PHF24: variants seen among roughly 807,000 people sequenced by gnomAD.
The protein encoded by PHF24 is Galpha inhibitory interacting protein.
PHF24 carries 25 observed loss-of-function variants against 42.6 expected under a neutral mutation model. The observed-to-expected ratio is 0.59, with a 90% CI of 0.43 to 0.82. The LOEUF (loss-of-function observed/expected upper bound fraction) is 0.82. PHF24 is among the 40% of genes least tolerant of loss of function. The pLI, the probability that PHF24 is intolerant of heterozygous loss-of-function variation, is 0.00. For missense variants in PHF24, 470 were observed against 538.1 expected, an observed-to-expected ratio of 0.87 and a Z score of 1.25; for synonymous variants, 185 against 204.8, an observed-to-expected ratio of 0.90 and a Z score of 0.83.
At chr9:34,782,550 C>T in the PHF24 span, among the ~76,000 whole-genome samples, 592 of 152,258 alleles carry the variant, frequency 3.9e-3, 2 homozygotes, top group African/African-American at 0.014. Flanking sequence ...AGTCCAGTGA[C>T]TCATCCTGTC....
chr9:34,672,845 C>G, the PHF24 span, among the ~76,000 whole-genome samples: 2 of 152,128 alleles, frequency 1.3e-5, no homozygotes, highest in African/African-American at 4.8e-5. Flanking sequence ...CTCACTCTGT[C>G]GCCCAGGCTG....
At chr9:34,710,725 C>G in the PHF24 span, among the ~76,000 whole-genome samples, 1 of 152,092 alleles carries the variant, frequency 6.6e-6, no homozygotes, top group South Asian at 2.1e-4. Flanking sequence ...CTGCCTGCCT[C>G]AGCCTCTTGA....
chr9:34,872,319 T>C, the PHF24 span, among the ~76,000 whole-genome samples: 1 of 149,610 alleles, frequency 6.7e-6, no homozygotes, highest in African/African-American at 2.4e-5. Flanking sequence ...ACTCTTCATC[T>C]AGCATTAGGT....
the PHF24 span, among the ~76,000 whole-genome samples, chr9:34,722,525 A>G: frequency 3.9e-5 from 6 of 152,222 alleles, no homozygotes; most frequent in Non-Finnish European, 8.8e-5. Context: ...TGTCGACCCC[A>G]TGGGATCATG....
the PHF24 span, among the ~76,000 whole-genome samples, chr9:34,697,478 C>T: frequency 4.6e-5 from 7 of 152,322 alleles, no homozygotes; most frequent in South Asian, 1.2e-3. Flanking sequence ...TACCATCATG[C>T]CCGGCTGACT....
the PHF24 span, among the ~76,000 whole-genome samples, chr9:34,829,464 A>G: frequency 2.6e-5 from 4 of 152,186 alleles, no homozygotes; most frequent in South Asian, 2.1e-4. Context: ...TTGGCATAGT[A>G]CTTGGCACAT....
At chr9:34,690,078 C>T in the PHF24 span, 12 of 1,594,586 alleles carry the variant, frequency 7.5e-6, no homozygotes, top group African/African-American at 1.2e-4. Context: ...GCCTGGGGAC[C>T]ATGTCTGGGA....
At chr9:34,946,678 G>C in the PHF24 span, among the ~76,000 whole-genome samples, 7 of 152,274 alleles carry the variant, frequency 4.6e-5, no homozygotes, top group South Asian at 1.5e-3. Context: ...GGTGTTTTAA[G>C]AAGTTGCATA....
At chr9:34,837,446 T>C in the PHF24 span, 2 of 520,554 alleles carry the variant, frequency 3.8e-6, no homozygotes, top group Non-Finnish European at 7.0e-6. Context: ...CTGCACTATT[T>C]CCTCAATTCT....
the PHF24 span, chr9:34,729,157 G>A: frequency 3.2e-3 from 3,661 of 1,156,854 alleles, 10 homozygotes; most frequent in Non-Finnish European, 4.1e-3. Flanking sequence ...GAGAAGAAAA[G>A]TATTACACAA....
At chr9:34,949,105 T>C in the PHF24 span, among the ~76,000 whole-genome samples, 1 of 152,144 alleles carries the variant, frequency 6.6e-6, no homozygotes, top group Non-Finnish European at 1.5e-5. Flanking sequence ...CTGTAATCAA[T>C]AGAACAAGTA....
the PHF24 span, chr9:34,709,798 C>A: frequency 6.2e-7 from 1 of 1,614,204 alleles, no homozygotes; most frequent in South Asian, 1.1e-5. Flanking sequence ...GATGGAGCAG[C>A]CTAAGCTTGG....
chr9:34,762,151 A>C, the PHF24 span, among the ~76,000 whole-genome samples: 401 of 152,260 alleles, frequency 2.6e-3, 8 homozygotes, highest in Non-Finnish European at 1.9e-3. Flanking sequence ...GTGCTGCAAT[A>C]AACATACGTG....
At chr9:34,837,794 A>T in the PHF24 span, 1 of 808,432 alleles carries the variant, frequency 1.2e-6, no homozygotes, top group Admixed American at 2.1e-5. Flanking sequence ...CTCCCTTTCT[A>T]TATATCTATC....
the PHF24 span, among the ~76,000 whole-genome samples, chr9:34,691,562 A>G: frequency 6.6e-6 from 1 of 152,222 alleles, no homozygotes; most frequent in Non-Finnish European, 1.5e-5. Context: ...ATCATCAACC[A>G]TGAAGCTGGG....
chr9:34,722,448 T>C, the PHF24 span, among the ~76,000 whole-genome samples: 1 of 152,170 alleles, frequency 6.6e-6, no homozygotes, highest in Non-Finnish European at 1.5e-5. Context: ...TTTATTTTTG[T>C]ATGGTTTGAG....
chr9:34,907,033 CCCAGGCTGGTCCCAAACT>C, the PHF24 span, among the ~76,000 whole-genome samples: 1 of 152,116 alleles, frequency 6.6e-6, no homozygotes, highest in South Asian at 2.1e-4. Context: ...TACTATATTG[CCCAGGCTGGTCCCAAACT>C]CCTGGCCTCA....
chr9:34,732,160 T>C, the PHF24 span, among the ~76,000 whole-genome samples: 1 of 152,024 alleles, frequency 6.6e-6, no homozygotes, highest in African/African-American at 2.4e-5. Flanking sequence ...ATTTTTAGTT[T>C]TTTTGGGGAA....
At chr9:34,872,164 G>A in the PHF24 span, among the ~76,000 whole-genome samples, 47 of 151,642 alleles carry the variant, frequency 3.1e-4, no homozygotes, top group African/African-American at 1.1e-3. Flanking sequence ...GAGTGCCAAT[G>A]TAAACAGCAA....
Sources: gnomAD v4.1 joint callset for allele counts (sites outside exome capture counted in the v4.1 genomes callset) on GRCh38, gnomAD v4.1.1 for gene constraint, MANE v1.5 for transcripts, NCBI Gene and HGNC (gene_info 2026-07-23, HGNC 2026-07-21) for gene names.